The following CTNNA3 variants were observed in gnomAD, a reference collection of about 807,000 sequenced individuals.
The protein encoded by CTNNA3 is catenin alpha-3.
CTNNA3 carries 76 observed loss-of-function variants against 95.7 expected under a neutral mutation model. That is an observed-to-expected ratio of 0.79 (90% CI 0.66 to 0.96). CTNNA3 has a LOEUF of 0.96. Among genes scored for constraint, CTNNA3 ranks in the 40% least tolerant of loss-of-function variants. CTNNA3 has a pLI of 0.00. For missense variants in CTNNA3, 1,191 were observed against 1,089.8 expected (o/e 1.09, Z -1.31); for synonymous variants, 431 against 374.4 (o/e 1.15, Z -1.74).
intron 2 of CTNNA3, among the ~76,000 whole-genome samples, chr10:67,621,013 G>T (rs547361853): frequency 6.6e-6 from 1 of 150,708 alleles, no homozygotes; most frequent in South Asian, 2.1e-4. Context: ...GGCATAGAAG[G>T]GGCACCATTT....
At chr10:67,726,458 G>A (rs373972994) in intron 1 of CTNNA3, among the ~76,000 whole-genome samples, 23 of 13,616 alleles carry the variant, frequency 1.7e-3, no homozygotes, top group South Asian at 7.2e-3. Context: ...TATTATATAT[G>A]ATATATGATA....
chr10:67,295,482 T>C (rs1243223466), intron 5 of CTNNA3, among the ~76,000 whole-genome samples: 2 of 152,194 alleles, frequency 1.3e-5, no homozygotes, highest in Non-Finnish European at 2.9e-5. Context: ...AATTGAATCA[T>C]ATGGGAAGTT....
intron 5 of CTNNA3, among the ~76,000 whole-genome samples, chr10:67,237,124 A>G (rs774651359): frequency 0.032 from 491 of 15,192 alleles, 13 homozygotes; most frequent in African/African-American, 0.13. Context: ...ACTATGGTGT[A>G]TGTATATATA....
intron 10 of CTNNA3, among the ~76,000 whole-genome samples, chr10:66,524,285 G>T (rs1037307950): frequency 6.6e-6 from 1 of 152,176 alleles, no homozygotes; most frequent in Admixed American, 6.5e-5. Flanking sequence ...CTCCATTATA[G>T]GAGGGACTAT....
chr10:67,097,827 C>T (rs773984551), intron 7 of CTNNA3: 4 of 1,599,830 alleles, frequency 2.5e-6, no homozygotes, highest in Non-Finnish European at 3.4e-6. Context: ...GGGTTGCTAC[C>T]AAACTTTGTA....
intron 7 of CTNNA3, chr10:67,054,958 A>C (rs1296305273): frequency 6.6e-6 from 1 of 152,142 alleles, no homozygotes. Flanking sequence ...CAACCCCCTT[A>C]GTTTATACAA....
chr10:67,304,890 T>C lies in CTNNA3; in HGVS notation c.580-85020A>G, dbSNP rs186316356. Among the ~76,000 whole-genome samples the C allele has an allele frequency of 1.0e-3, 155 of 150,400 alleles. 2 individuals are homozygous for C. Among genetic ancestry groups the C allele is most frequent in the African/African-American group, 3.6e-3 (148 of 40,834 alleles). ...CATCCCAGAACTATGACCTAAAGAGTATAGTAAGTCAAGCAGAAGGAGTGA... is the reference window on the plus strand; with the variant it reads ...CATCCCAGAACTATGACCTAAAGAGCATAGTAAGTCAAGCAGAAGGAGTGA... On this transcript the variant is annotated intron_variant, in intron 5 of 17. Transcript: ENST00000433211.
intron 12 of CTNNA3, 65 bp downstream of exon 12, chr10:66,379,087 A>G: frequency 7.6e-7 from 1 of 1,310,380 alleles, no homozygotes; most frequent in East Asian, 2.3e-5. Flanking sequence ...CACATGTATG[A>G]ATATTCGTAG....
intron 3 of CTNNA3, among the ~76,000 whole-genome samples, chr10:67,579,940 G>A (rs926497064): frequency 7.9e-5 from 12 of 152,220 alleles, no homozygotes; most frequent in African/African-American, 1.9e-4. Flanking sequence ...GTTCTTTATC[G>A]ATTCTGGATA....
At chr10:65,973,999 A>G (rs1012508015) in intron 16 of CTNNA3, among the ~76,000 whole-genome samples, 3 of 152,182 alleles carry the variant, frequency 2.0e-5, no homozygotes, top group African/African-American at 7.2e-5. Context: ...AATGCTCAAC[A>G]TCATGAATAA....
chr10:67,348,748 C>T (rs1842529175), intron 5 of CTNNA3, among the ~76,000 whole-genome samples: 1 of 152,104 alleles, frequency 6.6e-6, no homozygotes, highest in African/African-American at 2.4e-5. Context: ...TCCCATTAGG[C>T]TCACCTCCAA....
At chr10:66,157,439 A>G (rs1350565010) in intron 13 of CTNNA3, among the ~76,000 whole-genome samples, 1 of 151,562 alleles carries the variant, frequency 6.6e-6, no homozygotes, top group Admixed American at 6.6e-5. Context: ...GTAGATAGAT[A>G]GATAGATGAT....
At chr10:66,401,673 T>A (rs1040386765) in intron 11 of CTNNA3, among the ~76,000 whole-genome samples, 1 of 150,002 alleles carries the variant, frequency 6.7e-6, no homozygotes, top group African/African-American at 2.5e-5. Context: ...TTTTTTTTTT[T>A]TTTGAGATGG....
At chr10:66,382,705 G>A (rs1214183995) in intron 11 of CTNNA3, among the ~76,000 whole-genome samples, 1 of 152,152 alleles carries the variant, frequency 6.6e-6, no homozygotes, top group Non-Finnish European at 1.5e-5. Flanking sequence ...ACCTCATATA[G>A]GCGGCTGCCC....
At chr10:66,947,348 C>G (rs1198063794) in intron 7 of CTNNA3, among the ~76,000 whole-genome samples, 1 of 152,154 alleles carries the variant, frequency 6.6e-6, no homozygotes, top group Non-Finnish European at 1.5e-5. Flanking sequence ...CTATCACACT[C>G]AATGCTGGTT....
intron 13 of CTNNA3, among the ~76,000 whole-genome samples, chr10:66,215,589 A>G (rs899124868): frequency 2.6e-5 from 4 of 152,228 alleles, no homozygotes; most frequent in Non-Finnish European, 5.9e-5. Flanking sequence ...ATTTATAAAT[A>G]GAACAATATA....
rs532022367 is a variant in CTNNA3, at chr10:67,134,586, CCCAT to C, written c.1047+45727_1047+45730del. Among the ~76,000 whole-genome samples the C allele has an allele frequency of 5.9e-5, 9 of 152,138 alleles. No homozygotes were observed. The South Asian group carries it at 1.5e-3, about 25-fold the overall frequency. On this transcript the variant is annotated intron_variant, in intron 7 of 17. Transcript: ENST00000433211. ...TTACATTGACCCTGAACTTTGAGCA[CCCAT>C]CAAGAGAGCAAGGAGACTGGAAATC... is the stretch of plus-strand genomic sequence containing the variant.
At chr10:67,394,529 A>C (rs1021987827) in intron 5 of CTNNA3, among the ~76,000 whole-genome samples, 1 of 152,094 alleles carries the variant, frequency 6.6e-6, no homozygotes, top group Non-Finnish European at 1.5e-5. Flanking sequence ...AATTCTCCAA[A>C]ATCTTACAAC....
intron 5 of CTNNA3, among the ~76,000 whole-genome samples, chr10:67,488,198 G>A (rs1288175903): frequency 6.6e-6 from 1 of 152,086 alleles, no homozygotes; most frequent in Non-Finnish European, 1.5e-5. Flanking sequence ...TAAGCACCTG[G>A]CTAGAACAGT....
Sources: allele counts gnomAD v4.1 joint callset (sites outside exome capture counted in the v4.1 genomes callset), GRCh38; gene constraint gnomAD v4.1.1; transcripts MANE v1.5; gene names NCBI Gene and HGNC (gene_info 2026-07-23, HGNC 2026-07-21).